RYR1: variants seen among roughly 807,000 people sequenced by gnomAD.
RYR1 encodes ryanodine receptor 1.
Under a neutral mutation model 583.5 loss-of-function variants are expected in RYR1, and 342 were observed. That is an observed-to-expected ratio of 0.59 (90% confidence interval 0.54 to 0.64). The LOEUF is 0.64. Among genes scored for constraint, RYR1 ranks in the 30% least tolerant of loss-of-function variants. RYR1 has a pLI of 0.00. For synonymous variants in RYR1, 2,791 were observed against 2,822.5 expected, an observed-to-expected ratio of 0.99 and a Z score of 0.35; for missense variants, 6,032 against 6,917.2, an observed-to-expected ratio of 0.87 and a Z score of 4.54.
In RYR1 at chr19:38,565,982, C is replaced by T. The variant is rs1973404374; in HGVS notation, c.13437+211C>T. 6.6e-6 allele frequency among the ~76,000 whole-genome samples: 1 copy of T among 151,908 alleles called. No homozygotes were observed. Among genetic ancestry groups the T allele is most frequent in the African/African-American group, 2.4e-5 (1 of 41,338 alleles). On this transcript the variant is annotated intron_variant, in intron 91 of 105. Coordinates refer to ENST00000359596, the MANE Select transcript of RYR1 (RefSeq NM_000540.3). The surrounding 1 kb of genome is among the most constrained non-coding windows in gnomAD (Gnocchi z 4.7). Reference sequence around the variant, plus strand: ...TCAGAGACAGAGGGATACTCAGACCCACAGAGAAAGAGACTCAGAGATGGA... The same window carrying T: ...TCAGAGACAGAGGGATACTCAGACCTACAGAGAAAGAGACTCAGAGATGGA...
At position 38,510,390 on chromosome 19, in the gene RYR1, C is replaced by T. The variant is rs934321997; in HGVS notation, c.8933-108C>T. On this transcript the variant is annotated intron_variant, in intron 58 of 105. Coordinates refer to ENST00000359596, the MANE Select transcript of RYR1 (RefSeq NM_000540.3). ...CAACACAAATGACTTCATACCAATA[C>T]TTTATCCCCCATCATTTCCCAACTC... is the stretch of plus-strand genomic sequence containing the variant. 22 of 1,078,654 alleles carry T rather than the reference C, an allele frequency of 2.0e-5. No individual in the cohort carries two copies. The Admixed American group carries it at 4.1e-4, about 20-fold the overall frequency. 66.8% of individuals were successfully genotyped at this position (1,078,654 alleles called of 1,614,324 possible).
At chr19:38,577,210 C>T (rs1426877692) in intron 97 of RYR1, among the ~76,000 whole-genome samples, 2 of 152,174 alleles carry the variant, frequency 1.3e-5, no homozygotes, top group East Asian at 1.9e-4. Context: ...CTATTTCTGG[C>T]TTATTGACCT....
rs1292246825 is a variant in RYR1 at position 38,573,324 on chromosome 19, C to T, written c.14129+17C>T. The T allele has an allele frequency of 1.9e-6, 3 of 1,611,996 alleles. No homozygotes were observed. The highest frequency in any genetic ancestry group is 1.7e-6 in the Non-Finnish European group (2 of 1,179,126). On this transcript the variant is annotated intron_variant, in intron 96 of 105. Transcript: ENST00000359596. ...CAACACGCCGTAAGGACCCAGCCCCCACCTCAGGGTGGCAGCAGGAGGGGA... is the reference window on the plus strand; with the variant it reads ...CAACACGCCGTAAGGACCCAGCCCCTACCTCAGGGTGGCAGCAGGAGGGGA...
intron 29 of RYR1, among the ~76,000 whole-genome samples, chr19:38,476,781 C>T (rs1968754376): frequency 1.3e-5 from 2 of 152,214 alleles, no homozygotes; most frequent in Non-Finnish European, 2.9e-5. Flanking sequence ...TCTATGCCTT[C>T]TCTCCTATGG....
chr19:38,525,371 CG>C lies in RYR1; in HGVS notation c.10501del (p.Asp3501ThrfsTer9). On this transcript the variant is annotated frameshift_variant, in exon 71 of 106. Transcript: ENST00000359596. LOFTEE classifies it high-confidence loss of function. ...CCAGGAACGCACCAAGAAGAAGCGC[CG>C]GGGGGACCGGTACTCTGTGCAGACG... ...SDQERTKKKRRGDRYSVQTSL... is the reference protein window; with the variant it reads ...SDQERTKKKRXGDRYSVQTSL... The C allele has an allele frequency of 3.1e-6, 5 of 1,613,920 alleles. No individual in the cohort carries two copies. The highest frequency in any genetic ancestry group is 4.2e-6 in the Non-Finnish European group (5 of 1,179,970).
chr19:38,486,327 A>T, intron 34 of RYR1, 125 bp downstream of exon 34: 1 of 1,139,338 alleles, frequency 8.8e-7, no homozygotes, highest in Non-Finnish European at 1.3e-6. Flanking sequence ...TCCTCTATAC[A>T]TCCATCCACC....
rs1005150016 is a variant in RYR1, at chr19:38,514,889, A to G, written c.9473-137A>G. On this transcript the variant is annotated intron_variant, in intron 63 of 105. Coordinates refer to ENST00000359596, the MANE Select transcript of RYR1 (RefSeq NM_000540.3). The stretch of plus-strand genomic sequence containing the variant: ...GAGTTGGTAACTTGCTCAAGTCACA[A>G]GACTCGTACATGGAAGGCTGGCTGT... 1.5e-4 allele frequency: 107 copies of G among 696,728 alleles called. No individual in the cohort carries two copies. The East Asian group carries it at 2.5e-3, about 16-fold the overall frequency. The allele number at this position is 696,728 out of a possible 1,614,324, so 43.2% of individuals were successfully genotyped here.
intron 78 of RYR1, among the ~76,000 whole-genome samples, chr19:38,534,083 C>A (rs1052636825): frequency 6.7e-6 from 1 of 148,636 alleles, no homozygotes; most frequent in Admixed American, 6.9e-5. Flanking sequence ...GTGATCTCAG[C>A]TCACTGCAAC....
chr19:38,462,308 C>T (rs763712587), intron 20 of RYR1, among the ~76,000 whole-genome samples: 24 of 152,234 alleles, frequency 1.6e-4, no homozygotes, highest in Non-Finnish European at 3.1e-4. Flanking sequence ...ATGCTTAGTC[C>T]AGTCCTGATT....
chr19:38,452,249 C>A, intron 12 of RYR1, among the ~76,000 whole-genome samples: 1 of 151,348 alleles, frequency 6.6e-6, no homozygotes, highest in Non-Finnish European at 1.5e-5. Context: ...CCAGCCTGAG[C>A]AATATAGTGA....
At chr19:38,532,583 C>T (rs1394458468) in intron 77 of RYR1, 42 bp downstream of exon 77, 12 of 1,613,712 alleles carry the variant, frequency 7.4e-6, no homozygotes, top group African/African-American at 4.0e-5. Context: ...TTTCCCTCTC[C>T]CCACCTGCAG....
rs1974480251 is a variant in RYR1, at chr19:38,586,205, C to A, written c.14969+14C>A. ...GGCCAATTACATGTGAGCAGACACA[C>A]TGGCCAGTCAGGAGGGTGGGGGGCA... is the stretch of plus-strand genomic sequence containing the variant. On this transcript the variant is annotated intron_variant, in intron 104 of 105. Coordinates refer to ENST00000359596, the MANE Select transcript of RYR1 (RefSeq NM_000540.3). 1 of 1,610,780 alleles carries A rather than the reference C, an allele frequency of 6.2e-7. No individual in the cohort carries two copies. The highest frequency in any genetic ancestry group is 8.5e-7 in the Non-Finnish European group (1 of 1,177,978).
chr19:38,557,387 G>A (rs1026156973), intron 89 of RYR1, among the ~76,000 whole-genome samples: 1 of 152,246 alleles, frequency 6.6e-6, no homozygotes, highest in African/African-American at 2.4e-5. Flanking sequence ...AATACACGAA[G>A]TAATTGCAGG....
chr19:38,472,527 C>A (rs1329124398), intron 27 of RYR1, among the ~76,000 whole-genome samples: 2 of 152,090 alleles, frequency 1.3e-5, no homozygotes, highest in Admixed American at 6.6e-5. Flanking sequence ...GGAGAAGTGA[C>A]CGGATTCCCA....
Position 38,486,064 on chromosome 19 carries a change from G to C in RYR1, c.5409G>C (p.Pro1803=), listed in dbSNP as rs747211958. The change falls in exon 34 of 106, where the codon CCG becomes CCC. Residue 1803 remains proline, a synonymous_variant. Coordinates refer to ENST00000359596, the MANE Select transcript of RYR1 (RefSeq NM_000540.3). Reference sequence around the variant, plus strand: ...CGGCCCGCCTCAGCCCTGCCATCCCGCTGGAGGCCCTGCGGGACAAGGCAC... The same window carrying C: ...CGGCCCGCCTCAGCCCTGCCATCCCCCTGGAGGCCCTGCGGGACAAGGCAC... ...EAPARLSPAI[P]LEALRDKALR... 6 of 1,612,508 alleles carry C rather than the reference G, an allele frequency of 3.7e-6. No homozygotes were observed. The highest frequency in any genetic ancestry group is 2.2e-5 in the East Asian group (1 of 44,856).
chr19:38,496,629 A>C lies in RYR1; in HGVS notation c.6796+88A>C. ...TGCCCCACTTTCCACCAGCTCACTC[A>C]TTCAACAAACACTCCCTCTCAACTG... On this transcript the variant is annotated intron_variant, in intron 41 of 105. Transcript: ENST00000359596. This position sits in a 1 kb window ranked among gnomAD's most constrained non-coding sequence, Gnocchi z 4.8. 1 of 1,520,646 alleles carries C rather than the reference A, an allele frequency of 6.6e-7. No homozygotes were observed. Among genetic ancestry groups the C allele is most frequent in the Non-Finnish European group, 9.1e-7 (1 of 1,099,232 alleles). 94.2% of individuals were successfully genotyped at this position (1,520,646 alleles called of 1,614,324 possible). A position where few individuals can be genotyped will look rare whatever the true frequency, so the allele number is the denominator to read the frequency against.
rs137871773 is a variant in RYR1 at position 38,499,148 on chromosome 19, C to T, written c.6932C>T (p.Pro2311Leu). 5 of 1,614,054 alleles carry T rather than the reference C, an allele frequency of 3.1e-6. No homozygotes were observed. The African/African-American group carries it at 6.7e-5, about 22-fold the overall frequency. Residue 2311 changes from proline to leucine, a missense_variant, in exon 43 of 106, where the codon CCC becomes CTC. Pro to Leu is a moderately conservative substitution (Grantham distance 98). Around this residue, in one of 11 missense-constraint regions of RYR1, gnomAD observed 2,627 missense variants for 2,961.3 expected, o/e 0.89. Coordinates refer to ENST00000359596, the MANE Select transcript of RYR1 (RefSeq NM_000540.3). The surrounding 1 kb of genome is among the most constrained non-coding windows in gnomAD (Gnocchi z 7.3). Reference sequence around the variant, plus strand: ...GCAGGCTGTGGCCTCCAGAGCTGCCCCATGCTTGTGGCCAAAGGGTACCCA... The same window carrying T: ...GCAGGCTGTGGCCTCCAGAGCTGCCTCATGCTTGTGGCCAAAGGGTACCCA... Reference protein sequence around the residue: ...YLAGCGLQSCPMLVAKGYPDI... With the variant: ...YLAGCGLQSCLMLVAKGYPDI...
rs1275129006 is a variant in RYR1, at chr19:38,466,074, C to T, written c.2871-17C>T. 7 of 1,598,092 alleles carry T rather than the reference C, an allele frequency of 4.4e-6. No individual in the cohort carries two copies. Among genetic ancestry groups the T allele is most frequent in the Non-Finnish European group, 6.0e-6 (7 of 1,173,350 alleles). ...GAGGTGAGGGCCTTGTCCCATGGAG[C>T]CCTACCATGCCCGCAGGTATATGAT... On this transcript the variant is annotated splice_polypyrimidine_tract_variant and intron_variant, in intron 23 of 105. Transcript: ENST00000359596.
At chr19:38,488,808 C>G (rs903079534) in intron 34 of RYR1, among the ~76,000 whole-genome samples, 1 of 152,282 alleles carries the variant, frequency 6.6e-6, no homozygotes, top group East Asian at 1.9e-4. Flanking sequence ...CATGTGTTAG[C>G]ATCTTCATTA....
Sources: allele counts gnomAD v4.1 joint callset (sites outside exome capture counted in the v4.1 genomes callset), GRCh38; gene constraint gnomAD v4.1.1; regional missense constraint gnomAD v4.1.1; non-coding constraint Gnocchi (gnomAD v3.1); transcripts MANE v1.5; gene names NCBI Gene and HGNC (gene_info 2026-07-23, HGNC 2026-07-21).